Variants in SAMD11 observed in about 807,000 individuals in gnomAD.
SAMD11 encodes the protein sterile alpha motif domain-containing protein 11.
A neutral mutation model predicts 64.4 loss-of-function variants in SAMD11; 77 were observed. The ratio of observed to expected loss-of-function variants is 1.20; its 90% CI spans 0.99 to 1.44. The LOEUF is 1.44. SAMD11 is among the 40% of genes most tolerant of loss of function. The pLI is 0.00. For missense variants in SAMD11, 1,402 were observed against 943.3 expected, an observed-to-expected ratio of 1.49 and a Z score of -6.37; for synonymous variants, 658 against 421.9, an observed-to-expected ratio of 1.56 and a Z score of -6.86.
rs1642026182 is a variant in SAMD11, at chr1:944,458, CGCGGAGCTGACTTCAGCAGCCCA to C, written c.*306_*328del. 1.2e-6 allele frequency: 1 copy of C among 828,758 alleles called. No individual in the cohort carries two copies. The highest frequency in any genetic ancestry group is 1.8e-6 in the Non-Finnish European group (1 of 570,550). 51.3% of individuals were successfully genotyped at this position (828,758 alleles called of 1,614,324 possible). Reference sequence around the variant, plus strand: ...CTGCTGACGTCAGGGTCAGCTCCCCCGCGGAGCTGACTTCAGCAGCCCACAGCTGTGGGGCTTCAGCAGCCACA... The same window carrying C: ...CTGCTGACGTCAGGGTCAGCTCCCCCCAGCTGTGGGGCTTCAGCAGCCACA... On this transcript the variant is annotated 3_prime_UTR_variant, in exon 14 of 14. Coordinates refer to ENST00000616016, the MANE Select transcript of SAMD11 (RefSeq NM_001385641.1).
intron 2 of SAMD11, among the ~76,000 whole-genome samples, chr1:927,839 G>A (rs1640967207): frequency 1.3e-5 from 2 of 152,358 alleles, no homozygotes; most frequent in South Asian, 2.1e-4. Flanking sequence ...GGGTGGCAGG[G>A]AAGCTGTCCT....
intron 2 of SAMD11, among the ~76,000 whole-genome samples, chr1:929,398 T>C (rs1414737089): frequency 6.6e-6 from 1 of 152,174 alleles, no homozygotes; most frequent in East Asian, 1.9e-4. Context: ...TGGTGAGGGC[T>C]CCTCGTCTGG....
chr1:930,126 C>T (rs1247056920), intron 2 of SAMD11, 29 bp from the exon 3 acceptor site: 4 of 1,544,968 alleles, frequency 2.6e-6, no homozygotes, highest in East Asian at 2.4e-5. Context: ...CTCCTCCTGC[C>T]CCACCTTCCT....
intron 4 of SAMD11, among the ~76,000 whole-genome samples, chr1:932,449 G>A (rs1641212432): frequency 1.3e-5 from 2 of 152,236 alleles, no homozygotes; most frequent in African/African-American, 4.8e-5. Context: ...AATCTCCCAA[G>A]GGCGAGATTT....
intron 8 of SAMD11, among the ~76,000 whole-genome samples, chr1:941,698 C>G (rs890577909): frequency 1.3e-5 from 2 of 152,084 alleles, no homozygotes; most frequent in Non-Finnish European, 2.9e-5. Context: ...GGCACAGACC[C>G]GGGTTTCTCG....
intron 7 of SAMD11, among the ~76,000 whole-genome samples, chr1:939,920 C>T (rs1321278756): frequency 6.6e-6 from 1 of 152,220 alleles, no homozygotes; most frequent in East Asian, 2.0e-4. Context: ...GAGGGGCTGC[C>T]CCTTCCCCCG....
intron 8 of SAMD11, among the ~76,000 whole-genome samples, chr1:941,924 C>A (rs543418065): frequency 1.1e-3 from 171 of 152,130 alleles, no homozygotes; most frequent in African/African-American, 3.8e-3. Context: ...CTGCAGCCGT[C>A]GCCGCCCGCC....
chr1:941,534 G>A (rs1350041525), intron 8 of SAMD11, among the ~76,000 whole-genome samples: 1 of 152,098 alleles, frequency 6.6e-6, no homozygotes, highest in Non-Finnish European at 1.5e-5. Flanking sequence ...TGGAGGAGAA[G>A]CCAGAGAAGG....
intron 4 of SAMD11, among the ~76,000 whole-genome samples, chr1:934,944 TGCGTTACAGGTGGGCGGG>T (rs1393514410): frequency 6.4e-4 from 91 of 142,776 alleles, no homozygotes; most frequent in African/African-American, 2.4e-3. Context: ...GGGGGGCGGC[TGCGTTACAGGTGGGCGGG>T]CGGTGCTGCA....
chr1:937,634 G>T (rs1047040185), intron 5 of SAMD11, among the ~76,000 whole-genome samples: 14 of 152,134 alleles, frequency 9.2e-5, no homozygotes, highest in African/African-American at 3.4e-4. Flanking sequence ...GGGAGGCTGT[G>T]GGGGAGACGA....
At chr1:933,728 C>T (rs1641276672) in intron 4 of SAMD11, among the ~76,000 whole-genome samples, 1 of 127,864 alleles carries the variant, frequency 7.8e-6, no homozygotes, top group Non-Finnish European at 1.8e-5. Context: ...ACCCAGCTGC[C>T]TTCCTATGTG....
intron 5 of SAMD11, among the ~76,000 whole-genome samples, chr1:936,990 G>A (rs942347250): frequency 1.4e-4 from 22 of 152,154 alleles, no homozygotes; most frequent in Non-Finnish European, 2.6e-4. Flanking sequence ...TGGGGTGCAC[G>A]TGATGGGGGT....
chr1:928,563 G>A (rs1009117496), intron 2 of SAMD11, among the ~76,000 whole-genome samples: 11 of 152,372 alleles, frequency 7.2e-5, no homozygotes, highest in East Asian at 1.9e-4. Context: ...GCGGAGGCCC[G>A]GGCACAGACA....
chr1:935,813 GCAGCCGCCACCT>G lies in SAMD11; in HGVS notation c.886_897del (p.Ser296_Leu299del). The G allele has an allele frequency of 6.2e-7, 1 of 1,613,418 alleles. No individual in the cohort carries two copies. Among genetic ancestry groups the G allele is most frequent in the South Asian group, 1.1e-5 (1 of 91,082 alleles). ...CCCACCCTCATATCCAGCGTCCACC[GCAGCCGCCACCT>G]CGTTATGCCCGAGCATCAGAGCCGC... is the stretch of plus-strand genomic sequence containing the variant. On this transcript the variant is annotated inframe_deletion, in exon 5 of 14. Transcript: ENST00000616016.
In SAMD11 at chr1:941,288, C is replaced by T. The variant is rs1468425989; in HGVS notation, c.1340C>T (p.Ala447Val). ...QHREGAAPAA[A>V]PSFSERELPQ... The stretch of plus-strand genomic sequence containing the variant: ...CGGGAGGGCGCCGCCCCAGCTGCCG[C>T]CCCGTCCTTCTCGGAGAGGTACTGG... The change falls in exon 8 of 14, where the codon GCC (alanine) becomes GTC (valine). Residue 447 changes from alanine to valine, a missense_variant. Coordinates refer to ENST00000616016, the MANE Select transcript of SAMD11 (RefSeq NM_001385641.1). 3 of 1,591,538 alleles carry T rather than the reference C, an allele frequency of 1.9e-6. No homozygotes were observed. The highest frequency in any genetic ancestry group is 2.6e-6 in the Non-Finnish European group (3 of 1,169,380).
At position 943,913 on chromosome 1, in the gene SAMD11, C is replaced by T; in HGVS notation, c.2295C>T (p.Ala765=). ...ACCAGGCCATCTCTCTGCAGGTGGC[C>T]AGGCGCCTGGGCCGAGTTTTCTACG... ...GPALKIRAQV[A]RRLGRVFYVA... Residue 765 remains alanine (A), a synonymous_variant, in exon 14 of 14, where the codon GCC becomes GCT. Coordinates refer to ENST00000616016, the MANE Select transcript of SAMD11 (RefSeq NM_001385641.1). 1.2e-6 allele frequency: 2 copies of T among 1,612,782 alleles called. No individual in the cohort carries two copies. The highest frequency in any genetic ancestry group is 1.7e-6 in the Non-Finnish European group (2 of 1,179,860).
At chr1:926,656 C>T (rs1159069251) in intron 2 of SAMD11, among the ~76,000 whole-genome samples, 3 of 152,166 alleles carry the variant, frequency 2.0e-5, no homozygotes, top group Non-Finnish European at 4.4e-5. Flanking sequence ...AGGGAGCAGG[C>T]AGGAGAGACG....
intron 4 of SAMD11, among the ~76,000 whole-genome samples, chr1:935,040 G>A (rs1267059053): frequency 2.6e-5 from 4 of 152,106 alleles, no homozygotes; most frequent in African/African-American, 7.3e-5. Flanking sequence ...AGAGGCTCAC[G>A]GAACCGGGAA....
rs1642007128 is a variant in SAMD11 at position 944,158 on chromosome 1, G to T, written c.*5G>T. The T allele has an allele frequency of 1.3e-6, 2 of 1,542,246 alleles. No individual in the cohort carries two copies. The highest frequency in any genetic ancestry group is 1.7e-6 in the Non-Finnish European group (2 of 1,142,970). Reference sequence around the variant, plus strand: ...CCTTCCCAGCCTCTGTGTTGAGGTTGCCGGGGGTAGGGGTGGGGCCACACA... The same window carrying T: ...CCTTCCCAGCCTCTGTGTTGAGGTTTCCGGGGGTAGGGGTGGGGCCACACA... On this transcript the variant is annotated 3_prime_UTR_variant, in exon 14 of 14. Coordinates refer to ENST00000616016, the MANE Select transcript of SAMD11 (RefSeq NM_001385641.1).
Sources: allele counts gnomAD v4.1 joint callset (sites outside exome capture counted in the v4.1 genomes callset), GRCh38; gene constraint gnomAD v4.1.1; transcripts MANE v1.5; gene names NCBI Gene and HGNC (gene_info 2026-07-23, HGNC 2026-07-21).